CUL3: variants seen among roughly 807,000 people sequenced by gnomAD.
CUL3 encodes the protein cullin-3.
Under a neutral mutation model 89.1 loss-of-function variants are expected in CUL3, and 19 were observed. That is an observed-to-expected ratio of 0.21 (90% CI 0.15 to 0.31). CUL3 has a LOEUF of 0.31. Ranked by LOEUF, CUL3 falls within the 10% of genes least tolerant of loss-of-function variation. The pLI, the probability that CUL3 is intolerant of heterozygous loss-of-function variation, is 1.00. For missense variants in CUL3, 469 were observed against 942.3 expected, an observed-to-expected ratio of 0.50 and a Z score of 6.58; for synonymous variants, 351 against 308.4, an observed-to-expected ratio of 1.14 and a Z score of -1.45.
intron 14 of CUL3, 108 bp downstream of exon 14, chr2:224,481,784 T>G: frequency 1.4e-6 from 1 of 702,194 alleles, no homozygotes; most frequent in Non-Finnish European, 2.1e-6. Flanking sequence ...CTAAGTATCA[T>G]GCAGCACCAG....
intron 13 of CUL3, among the ~76,000 whole-genome samples, chr2:224,493,170 T>C (rs1418112082): frequency 2.0e-5 from 3 of 152,304 alleles, no homozygotes; most frequent in East Asian, 3.9e-4. Flanking sequence ...AAATTGTTAG[T>C]GGTTGTTTTA....
rs777950110 is a variant in CUL3, at chr2:224,497,745, A to G, written c.1707+8T>C. 1.9e-6 allele frequency: 3 copies of G among 1,599,586 alleles called. No homozygotes were observed. Among genetic ancestry groups the G allele is most frequent in the Admixed American group, 3.3e-5 (2 of 59,996 alleles). ...GTTACTTAATACGTTCAAACTATCA[A>G]TATTTACCTTTTTAACTGGTCCATA... On this transcript the variant is annotated splice_region_variant and intron_variant, in intron 12 of 15. Coordinates refer to ENST00000264414, the MANE Select transcript of CUL3 (RefSeq NM_003590.5).
In CUL3 at chr2:224,557,752, G is replaced by C. The variant is rs764965079; in HGVS notation, c.171C>G (p.Leu57=). The change falls in exon 2 of 16, where the codon CTC becomes CTG. Residue 57 remains leucine (L), a synonymous_variant. Coordinates refer to ENST00000264414, the MANE Select transcript of CUL3 (RefSeq NM_003590.5). ...KNNSGLSFEE[L]YRNAYTMVLH... is the part of the protein sequence containing the mutation. ...AAACCATTGTATATGCATTTCTATA[G>C]AGCTCCTCAAAACTAAGACCACTGT... is the stretch of plus-strand genomic sequence containing the variant. The C allele has an allele frequency of 4.3e-6, 7 of 1,610,726 alleles. No homozygotes were observed. The highest frequency in any genetic ancestry group is 5.9e-6 in the Non-Finnish European group (7 of 1,177,524).
chr2:224,575,493 A>C (rs1418342661), intron 1 of CUL3, among the ~76,000 whole-genome samples: 2 of 152,312 alleles, frequency 1.3e-5, no homozygotes, highest in Non-Finnish European at 2.9e-5. Context: ...AAGTGACAGC[A>C]CCATGGCTTG....
intron 4 of CUL3, 117 bp from the exon 5 acceptor site, chr2:224,513,755 C>A: frequency 1.5e-6 from 1 of 662,326 alleles, no homozygotes; most frequent in Admixed American, 3.3e-5. Flanking sequence ...ACTGAAGTGA[C>A]CAATCTCCAA....
intron 1 of CUL3, among the ~76,000 whole-genome samples, chr2:224,578,584 T>C (rs890912624): frequency 6.6e-6 from 1 of 152,156 alleles, no homozygotes; most frequent in Non-Finnish European, 1.5e-5. Flanking sequence ...TAACAGACTA[T>C]GGTTGAATAG....
intron 3 of CUL3, among the ~76,000 whole-genome samples, chr2:224,534,631 A>T (rs1693816530): frequency 6.6e-6 from 1 of 152,280 alleles, no homozygotes; most frequent in Non-Finnish European, 1.5e-5. Context: ...GAAAAAAATT[A>T]AATCATTCCC....
At chr2:224,510,299 GTTTT>G (rs66793446) in intron 6 of CUL3, among the ~76,000 whole-genome samples, 47 of 115,312 alleles carry the variant, frequency 4.1e-4, no homozygotes, top group African/African-American at 1.3e-3. Flanking sequence ...AGTTTTTTTT[GTTTT>G]TTTTTTGTTT....
At chr2:224,543,097 A>G (rs1036040672) in intron 2 of CUL3, among the ~76,000 whole-genome samples, 2 of 152,208 alleles carry the variant, frequency 1.3e-5, no homozygotes, top group African/African-American at 4.8e-5. Context: ...ATCCTAATTA[A>G]ATGTCTAGGT....
At chr2:224,486,625 A>G (rs903308161) in intron 13 of CUL3, among the ~76,000 whole-genome samples, 6 of 152,190 alleles carry the variant, frequency 3.9e-5, no homozygotes, top group African/African-American at 1.4e-4. Flanking sequence ...ATGTGAAAAG[A>G]CCAAACCTAC....
Position 224,470,840 on chromosome 2 carries a change from G to C in CUL3, c.*3405C>G. The C allele has an allele frequency of 4.3e-6, 1 of 230,106 alleles. No individual in the cohort carries two copies. Among genetic ancestry groups the C allele is most frequent in the Non-Finnish European group, 8.6e-6 (1 of 116,174 alleles). The allele number at this position is 230,106 out of a possible 1,614,324, so 14.3% of individuals were successfully genotyped here. ...GTCACATTACTATTCATGTGAATGA[G>C]GTACAAAATAAATGAAAATTTTTTA... On this transcript the variant is annotated 3_prime_UTR_variant, in exon 16 of 16. Transcript: ENST00000264414.
At position 224,560,959 on chromosome 2, in the gene CUL3, G is replaced by A. The variant is rs115354710; in HGVS notation, c.67-3103C>T. Among the ~76,000 whole-genome samples, 712 of 152,218 alleles carry A rather than the reference G, an allele frequency of 4.7e-3. 12 individuals carry two copies. Among genetic ancestry groups the A allele is most frequent in the African/African-American group, 0.017 (687 of 41,526 alleles). On this transcript the variant is annotated intron_variant, in intron 1 of 15. Coordinates refer to ENST00000264414, the MANE Select transcript of CUL3 (RefSeq NM_003590.5). ...CAAACAAGCTGATTTCAGTGTCTTC[G>A]TATTTGCTATTCTTTCTGTCTGAAA...
chr2:224,490,602 C>A (rs1691932015), intron 13 of CUL3, among the ~76,000 whole-genome samples: 1 of 151,916 alleles, frequency 6.6e-6, no homozygotes, highest in Admixed American at 6.6e-5. Flanking sequence ...AACAACCGAC[C>A]CTGTGGGGCT....
intron 2 of CUL3, among the ~76,000 whole-genome samples, chr2:224,553,670 G>C (rs1236464016): frequency 6.6e-6 from 1 of 152,128 alleles, no homozygotes; most frequent in Non-Finnish European, 1.5e-5. Flanking sequence ...TAACAGGATG[G>C]AACCATTATA....
chr2:224,533,447 ATT>A (rs1693766466), intron 3 of CUL3, among the ~76,000 whole-genome samples: 3 of 151,934 alleles, frequency 2.0e-5, no homozygotes, highest in Non-Finnish European at 4.4e-5. Context: ...AAGGTTTGAG[ATT>A]TTGTTGCAAA....
At chr2:224,502,052 T>C (rs1357593630) in intron 10 of CUL3, among the ~76,000 whole-genome samples, 1 of 152,236 alleles carries the variant, frequency 6.6e-6, no homozygotes, top group African/African-American at 2.4e-5. Context: ...TCTTCTCCAC[T>C]GTAAACACTG....
At chr2:224,504,917 G>C (rs1340555134) in intron 8 of CUL3, among the ~76,000 whole-genome samples, 35 of 151,318 alleles carry the variant, frequency 2.3e-4, no homozygotes. Flanking sequence ...TATCACAAAG[G>C]CTTGAAATTG....
intron 1 of CUL3, among the ~76,000 whole-genome samples, chr2:224,574,479 G>C (rs1364051877): frequency 6.6e-6 from 1 of 152,110 alleles, no homozygotes. Context: ...ATTATTACTA[G>C]TGATTTTAAA....
At chr2:224,486,405 G>C (rs2106160536) in intron 13 of CUL3, among the ~76,000 whole-genome samples, 2 of 152,208 alleles carry the variant, frequency 1.3e-5, no homozygotes, top group Middle Eastern at 6.8e-3. Flanking sequence ...AGAATAACCA[G>C]TTTAGAGAAG....
Sources: gnomAD v4.1 joint callset for allele counts (sites outside exome capture counted in the v4.1 genomes callset) on GRCh38, gnomAD v4.1.1 for gene constraint, MANE v1.5 for transcripts, NCBI Gene and HGNC (gene_info 2026-07-23, HGNC 2026-07-21) for gene names.